Variants in LINGO2 observed in about 807,000 individuals in gnomAD.
The protein encoded by LINGO2 is leucine rich repeat and Ig domain containing 2.
Under a neutral mutation model 30.6 loss-of-function variants are expected in LINGO2, and 14 were observed. That is an observed-to-expected ratio of 0.46 (90% confidence interval 0.30 to 0.72). LINGO2 has a LOEUF of 0.72. LINGO2 is among the 30% of genes least tolerant of loss of function. LINGO2 has a pLI of 0.07. For missense variants in LINGO2, 729 were observed against 751.7 expected (o/e 0.97, Z 0.35); for synonymous variants, 317 against 288.5 (o/e 1.10, Z -1.00).
intron 3 of LINGO2, among the ~76,000 whole-genome samples, chr9:28,316,933 G>A (rs146655179): frequency 1.7e-4 from 26 of 152,216 alleles, no homozygotes; most frequent in African/African-American, 6.3e-4. Flanking sequence ...ACTGCCAAAA[G>A]TCCCTTGCAT....
At chr9:28,707,818 T>A in the LINGO2 span, among the ~76,000 whole-genome samples, 1 of 152,082 alleles carries the variant, frequency 6.6e-6, no homozygotes, top group Non-Finnish European at 1.5e-5. Flanking sequence ...TGCTGAGAAT[T>A]ATAGAAGCCA....
chr9:28,344,719 GA>G (rs138766030), intron 3 of LINGO2, among the ~76,000 whole-genome samples: 16,347 of 152,038 alleles, frequency 0.11, 1,194 homozygotes, highest in Admixed American at 0.17. Flanking sequence ...CTCTCAAAAA[GA>G]AAAATATTTG....
At chr9:28,242,755 T>A (rs1821845791) in intron 4 of LINGO2, among the ~76,000 whole-genome samples, 1 of 152,118 alleles carries the variant, frequency 6.6e-6, no homozygotes, top group East Asian at 1.9e-4. Flanking sequence ...GGGAAGCCCA[T>A]CAGATTAACA....
At chr9:28,968,821 C>A in the LINGO2 span, among the ~76,000 whole-genome samples, 1 of 151,922 alleles carries the variant, frequency 6.6e-6, no homozygotes, top group Non-Finnish European at 1.5e-5. Context: ...CTGATGATAC[C>A]TTGAAAAAAT....
At chr9:28,139,986 G>A (rs995458046) in intron 4 of LINGO2, among the ~76,000 whole-genome samples, 10 of 152,022 alleles carry the variant, frequency 6.6e-5, no homozygotes, top group African/African-American at 9.7e-5. Flanking sequence ...TGCCTTTACC[G>A]TCAAAAGTAT....
At chr9:28,020,493 C>T (rs1469058812) in intron 4 of LINGO2, among the ~76,000 whole-genome samples, 1 of 152,070 alleles carries the variant, frequency 6.6e-6, no homozygotes, top group Non-Finnish European at 1.5e-5. Flanking sequence ...CGCACTACTG[C>T]ACTCCAGCCT....
chr9:28,448,019 C>T (rs1364060132), intron 2 of LINGO2, among the ~76,000 whole-genome samples: 2 of 151,990 alleles, frequency 1.3e-5, no homozygotes, highest in African/African-American at 2.4e-5. Context: ...TTGTACCACT[C>T]AGTTTTATCA....
chr9:28,979,505 T>TACAC, the LINGO2 span, among the ~76,000 whole-genome samples: 13,829 of 151,144 alleles, frequency 0.091, 706 homozygotes, highest in South Asian at 0.16. Context: ...TATTTTATTT[T>TACAC]ACACACACAC....
chr9:28,806,035 T>G, the LINGO2 span, among the ~76,000 whole-genome samples: 5 of 152,286 alleles, frequency 3.3e-5, no homozygotes, highest in African/African-American at 1.2e-4. Flanking sequence ...AAAATGTATC[T>G]TCTTCCAATT....
At chr9:28,410,859 TC>T (rs1227180224) in intron 2 of LINGO2, among the ~76,000 whole-genome samples, 2 of 152,144 alleles carry the variant, frequency 1.3e-5, no homozygotes, top group African/African-American at 4.8e-5. Context: ...TCAACATGTT[TC>T]ATAGAATACT....
the LINGO2 span, among the ~76,000 whole-genome samples, chr9:29,054,416 G>A: frequency 1.3e-5 from 2 of 152,092 alleles, no homozygotes; most frequent in Non-Finnish European, 2.9e-5. Flanking sequence ...AGTTTCTTTG[G>A]ATTTTGTATG....
the LINGO2 span, among the ~76,000 whole-genome samples, chr9:28,884,791 GTATA>G: frequency 7.1e-6 from 1 of 141,730 alleles, no homozygotes; most frequent in South Asian, 2.2e-4. Flanking sequence ...TAGTGTGTGT[GTATA>G]TATATTCTTT....
intron 1 of LINGO2, among the ~76,000 whole-genome samples, chr9:28,661,121 G>A (rs1828566411): frequency 6.6e-6 from 1 of 151,914 alleles, no homozygotes. Context: ...CTTGTAACCT[G>A]CTTTGACCAA....
the LINGO2 span, among the ~76,000 whole-genome samples, chr9:28,709,092 C>G: frequency 5.9e-5 from 9 of 152,034 alleles, no homozygotes; most frequent in African/African-American, 2.2e-4. Context: ...CTGCAGAAAC[C>G]TGAAAAATAC....
the LINGO2 span, among the ~76,000 whole-genome samples, chr9:29,100,878 C>T: frequency 2.0e-5 from 3 of 151,278 alleles, no homozygotes; most frequent in African/African-American, 7.3e-5. Flanking sequence ...CATGTGCTCA[C>T]AAAAATTAAA....
rs188977189 is a variant in LINGO2 at position 28,339,248 on chromosome 9, A to T, written c.-246+33588T>A. On this transcript the variant is annotated intron_variant, in intron 3 of 5. Transcript: ENST00000379992. ...GTCTTTAATGGAACTAATATTAATG[A>T]CTACTACTAATAATAACAGTAAACA... 4.6e-5 allele frequency among the ~76,000 whole-genome samples: 7 copies of T among 151,720 alleles called. No individual in the cohort carries two copies. In the East Asian group the frequency reaches 1.4e-3, roughly 29 times the overall value.
intron 1 of LINGO2, among the ~76,000 whole-genome samples, chr9:28,603,397 C>T (rs1420188559): frequency 6.6e-6 from 1 of 151,854 alleles, no homozygotes; most frequent in Non-Finnish European, 1.5e-5. Context: ...TGACTATAGA[C>T]TGAATGGATC....
At chr9:28,521,442 G>T (rs117308558) in intron 1 of LINGO2, among the ~76,000 whole-genome samples, 37 of 152,274 alleles carry the variant, frequency 2.4e-4, no homozygotes, top group East Asian at 2.3e-3. Flanking sequence ...AAGTGGGTTT[G>T]TAAGCCATTC....
At chr9:28,888,965 C>G in the LINGO2 span, 1 of 527,304 alleles carries the variant, frequency 1.9e-6, no homozygotes, top group Non-Finnish European at 3.9e-6. Context: ...CAAACTTATT[C>G]TAAGCAGGAA....
Sources: gnomAD v4.1 joint callset for allele counts (sites outside exome capture counted in the v4.1 genomes callset) on GRCh38, gnomAD v4.1.1 for gene constraint, MANE v1.5 for transcripts, NCBI Gene and HGNC (gene_info 2026-07-23, HGNC 2026-07-21) for gene names.